Variants in ZGRF1 observed in about 807,000 individuals in gnomAD.
ZGRF1 encodes the protein 5'-3' DNA helicase ZGRF1.
In ZGRF1, 196 loss-of-function variants were observed where a neutral mutation model predicts 203.5. That is an observed-to-expected ratio of 0.96 (90% CI 0.86 to 1.08). ZGRF1 has a LOEUF of 1.08. Ranked by LOEUF, ZGRF1 falls within the 50% of genes least tolerant of loss-of-function variation. The pLI is 0.00. For synonymous variants in ZGRF1, 809 were observed against 841.3 expected (o/e 0.96, Z 0.66); for missense variants, 2,326 against 2,416.3 (o/e 0.96, Z 0.78).
At chr4:112,631,734 C>T (rs1165006206) in intron 3 of ZGRF1, among the ~76,000 whole-genome samples, 196 bp downstream of exon 3, 2 of 152,092 alleles carry the variant, frequency 1.3e-5, no homozygotes, top group Non-Finnish European at 2.9e-5. Flanking sequence ...AGATCTTATT[C>T]GTTCTATCTA....
rs184222248 is a variant in ZGRF1 at position 112,595,619 on chromosome 4, T to C, written c.2977-5745A>G. 2.0e-3 allele frequency among the ~76,000 whole-genome samples: 300 copies of C among 152,284 alleles called. 1 individual carries two copies. Among genetic ancestry groups the C allele is most frequent in the African/African-American group, 6.8e-3 (283 of 41,572 alleles). On this transcript the variant is annotated intron_variant, in intron 10 of 27. Coordinates refer to ENST00000505019, the MANE Select transcript of ZGRF1 (RefSeq NM_018392.5). ...GTGTATTTATATATATATCAAAATATATGTATGCCCAAATAAGCTTAAAAG... is the reference window on the plus strand; with the variant it reads ...GTGTATTTATATATATATCAAAATACATGTATGCCCAAATAAGCTTAAAAG...
At chr4:112,610,337 G>A (rs534659808) in intron 7 of ZGRF1, among the ~76,000 whole-genome samples, 16 of 152,126 alleles carry the variant, frequency 1.1e-4, no homozygotes, top group East Asian at 7.8e-4. Flanking sequence ...TTGGGAGGCC[G>A]AGGTGGGCAG....
At chr4:112,583,114 G>A (rs762290250) in intron 15 of ZGRF1, among the ~76,000 whole-genome samples, 2 of 151,882 alleles carry the variant, frequency 1.3e-5, no homozygotes, top group East Asian at 1.9e-4. Context: ...TCCATCTTAC[G>A]GGCTATTATA....
At chr4:112,556,026 T>G (rs1172591053) in intron 20 of ZGRF1, among the ~76,000 whole-genome samples, 4 of 152,094 alleles carry the variant, frequency 2.6e-5, no homozygotes, top group Admixed American at 6.6e-5. Flanking sequence ...CTAAAGTTCC[T>G]TCCTGTGTAG....
intron 7 of ZGRF1, among the ~76,000 whole-genome samples, chr4:112,611,970 G>GT (rs199641683): frequency 3.6e-3 from 522 of 143,752 alleles, no homozygotes; most frequent in African/African-American, 6.9e-3. Flanking sequence ...GTGGGGTTTT[G>GT]TTTTTTTTTT....
intron 16 of ZGRF1, among the ~76,000 whole-genome samples, chr4:112,574,781 C>G (rs567027052): frequency 1.3e-5 from 2 of 152,144 alleles, no homozygotes; most frequent in East Asian, 3.9e-4. Flanking sequence ...TCTGTAATCC[C>G]ATGGGAGGCC....
chr4:112,562,997 A>T, intron 17 of ZGRF1, 134 bp downstream of exon 17: 1 of 572,712 alleles, frequency 1.7e-6, no homozygotes, highest in Non-Finnish European at 3.0e-6. Context: ...AACTTCATAC[A>T]CATTTTCAGG....
intron 16 of ZGRF1, among the ~76,000 whole-genome samples, chr4:112,568,604 T>C (rs1743607057): frequency 6.8e-6 from 1 of 148,008 alleles, no homozygotes; most frequent in Admixed American, 6.8e-5. Flanking sequence ...CCCAGCTACT[T>C]GGAGGCAGAG....
chr4:112,548,255 T>G lies in ZGRF1; in HGVS notation c.5472A>C (p.Ala1824=), dbSNP rs758632744. The change falls in exon 23 of 28, where the codon GCA becomes GCC. Residue 1824 remains alanine (A), a splice_region_variant and synonymous_variant. Transcript: ENST00000505019. ...GGGGAAAGAATCTTTTAGGTTACCT[T>G]GCAATGGGAAGGAGAGAGGCCGGTT... is the stretch of plus-strand genomic sequence containing the variant. ...ITEPASLLPI[A]RFECEKLILV... is the part of the protein sequence containing the mutation. 6.4e-7 allele frequency: 1 copy of G among 1,552,074 alleles called. No individual in the cohort carries two copies. The highest frequency in any genetic ancestry group is 1.2e-5 in the South Asian group (1 of 84,032).
intron 7 of ZGRF1, among the ~76,000 whole-genome samples, chr4:112,611,277 C>T (rs1751533297): frequency 6.6e-6 from 1 of 152,114 alleles, no homozygotes; most frequent in African/African-American, 2.4e-5. Context: ...GTGGCACGCA[C>T]CTGTAATCCC....
chr4:112,563,375 T>C (rs2148902250), intron 16 of ZGRF1, 101 bp from the exon 17 acceptor site: 2 of 753,198 alleles, frequency 2.7e-6, no homozygotes, highest in East Asian at 2.7e-5. Context: ...CATATATCTA[T>C]AGTACACATA....
Position 112,544,566 on chromosome 4 carries a change from G to C in ZGRF1, c.5598+2719C>G, listed in dbSNP as rs537156455. On this transcript the variant is annotated intron_variant, in intron 24 of 27. Coordinates refer to ENST00000505019, the MANE Select transcript of ZGRF1 (RefSeq NM_018392.5). ...AGAGAAGGGATACTCTTGGGCCTCA[G>C]ATGTCCTGTCACTTTGATGGGACAC... 7.0e-4 allele frequency among the ~76,000 whole-genome samples: 107 copies of C among 152,304 alleles called. 1 individual carries two copies. Among genetic ancestry groups the C allele is most frequent in the Non-Finnish European group, 1.3e-3 (88 of 68,024 alleles).
chr4:112,547,439 C>T (rs369238823), intron 23 of ZGRF1, 31 bp from the exon 24 acceptor site: 84 of 1,582,684 alleles, frequency 5.3e-5, no homozygotes, highest in Non-Finnish European at 7.0e-5. Flanking sequence ...TTAATCTAAG[C>T]AATTAAAATG....
At chr4:112,565,636 C>A (rs540637333) in intron 16 of ZGRF1, among the ~76,000 whole-genome samples, 81 of 152,014 alleles carry the variant, frequency 5.3e-4, no homozygotes, top group African/African-American at 1.9e-3. Context: ...CGATGAACTC[C>A]AACAAATTTA....
rs993138282 is a variant in ZGRF1 at position 112,586,445 on chromosome 4, C to A, written c.3916G>T (p.Glu1306Ter). Residue 1306 changes from glutamate to a stop codon, truncating the protein, a stop_gained and splice_region_variant, in exon 13 of 28, where the codon GAA becomes TAA. Coordinates refer to ENST00000505019, the MANE Select transcript of ZGRF1 (RefSeq NM_018392.5). LOFTEE classifies it high-confidence loss of function. Reference protein sequence around the residue: ...YKQTFTSCLIEHLNILLFGLA... With the variant: ...YKQTFTSCLI Reference sequence around the variant, plus strand: ...TACAATAAAAACACAACAGCCATACCTATGAGGCAAGATGTGAAAGTCTGC... The same window carrying A: ...TACAATAAAAACACAACAGCCATACATATGAGGCAAGATGTGAAAGTCTGC... The A allele has an allele frequency of 6.2e-7, 1 of 1,605,456 alleles. No individual in the cohort carries two copies.
chr4:112,558,394 C>T, intron 19 of ZGRF1, 85 bp from the exon 20 acceptor site: 1 of 1,145,754 alleles, frequency 8.7e-7, no homozygotes. Context: ...GACAGAGTCT[C>T]ACTCACTCTG....
At chr4:112,611,867 G>A (rs1399663901) in intron 7 of ZGRF1, among the ~76,000 whole-genome samples, 2 of 152,156 alleles carry the variant, frequency 1.3e-5, no homozygotes, top group Non-Finnish European at 2.9e-5. Flanking sequence ...GAAAATCAAC[G>A]TGTAACAAGA....
rs761720004 is a variant in ZGRF1, at chr4:112,618,509, T to G, written c.1533A>C (p.Glu511Asp). Residue 511 changes from glutamate to aspartate, a missense_variant, in exon 6 of 28, where the codon GAA becomes GAC. Transcript: ENST00000505019. ...DMISESKMDN[E>D]SLNSIHESLS... is the part of the protein sequence containing the mutation. ...GAGATTCATGAATACTATTAAGACT[T>G]TCATTATCCATTTTACTTTCAGAAA... is the stretch of plus-strand genomic sequence containing the variant. 5 of 1,612,836 alleles carry G rather than the reference T, an allele frequency of 3.1e-6. No homozygotes were observed. The highest frequency in any genetic ancestry group is 4.2e-6 in the Non-Finnish European group (5 of 1,179,332).
intron 3 of ZGRF1, among the ~76,000 whole-genome samples, chr4:112,630,658 G>C (rs2047377904): frequency 6.6e-6 from 1 of 151,794 alleles, no homozygotes; most frequent in Non-Finnish European, 1.5e-5. Context: ...TTTAAAATTA[G>C]TAATATTTGG....
Sources: gnomAD v4.1 joint callset for allele counts (sites outside exome capture counted in the v4.1 genomes callset) on GRCh38, gnomAD v4.1.1 for gene constraint, MANE v1.5 for transcripts, NCBI Gene and HGNC (gene_info 2026-07-23, HGNC 2026-07-21) for gene names.